The following RGMB variants were observed in gnomAD, a reference collection of about 807,000 sequenced individuals.
The protein encoded by RGMB is repulsive guidance molecule BMP co-receptor b, also known as repulsive guidance molecule B.
In RGMB, 16 loss-of-function variants were observed where a neutral mutation model predicts 26.9. The ratio of observed to expected loss-of-function variants is 0.60; its 90% CI spans 0.40 to 0.90. The LOEUF (loss-of-function observed/expected upper bound fraction) is 0.90, where lower values mean the gene tolerates loss of function less well. Among genes scored for constraint, RGMB ranks in the 40% least tolerant of loss-of-function variants. RGMB has a pLI of 0.00. For synonymous variants in RGMB, 225 were observed against 229.3 expected (o/e 0.98, Z 0.17); for missense variants, 512 against 573.3 (o/e 0.89, Z 1.09).
upstream of RGMB, chr5:98,769,398 G>C (rs1746076058): frequency 6.6e-6 from 1 of 152,366 alleles, no homozygotes; most frequent in African/African-American, 2.4e-5. Context: ...CGGAGAAATC[G>C]GGCTAGCTGG....
At chr5:98,792,982 A>T in intron 2 of RGMB, 103 bp from the exon 3 acceptor site, 2 of 881,382 alleles carry the variant, frequency 2.3e-6, no homozygotes, top group Non-Finnish European at 3.4e-6. Flanking sequence ...ATTCCGCCTT[A>T]AGCCATTCAG....
At chr5:98,791,778 T>C (rs1293858497) in intron 2 of RGMB, among the ~76,000 whole-genome samples, 1 of 152,190 alleles carries the variant, frequency 6.6e-6, no homozygotes, top group Non-Finnish European at 1.5e-5. Context: ...CCCTGTCTTA[T>C]CATAGTTGTC....
chr5:98,786,660 A>G (rs1167584493), intron 2 of RGMB, among the ~76,000 whole-genome samples: 2 of 152,144 alleles, frequency 1.3e-5, no homozygotes, highest in Admixed American at 6.5e-5. Flanking sequence ...TTGCTCTTCC[A>G]CTGTTTCGAA....
At chr5:98,792,496 G>T (rs1311780191) in intron 2 of RGMB, among the ~76,000 whole-genome samples, 2 of 152,144 alleles carry the variant, frequency 1.3e-5, no homozygotes, top group East Asian at 1.9e-4. Context: ...CACTTTGGGA[G>T]ATGATGGTGG....
upstream of RGMB, chr5:98,770,926 G>A: frequency 2.6e-6 from 1 of 384,982 alleles, no homozygotes; most frequent in Non-Finnish European, 4.6e-6. Flanking sequence ...CCTTACTCTA[G>A]AAAGGATTGC....
intron 2 of RGMB, among the ~76,000 whole-genome samples, chr5:98,786,600 A>G (rs1746772588): frequency 6.6e-6 from 1 of 152,224 alleles, no homozygotes; most frequent in African/African-American, 2.4e-5. Context: ...GAACAATGAA[A>G]ACTGCTACCT....
At chr5:98,770,411 T>C (rs1486484696), upstream of RGMB, 3 of 401,960 alleles carry the variant, frequency 7.5e-6, no homozygotes, top group Admixed American at 8.8e-5. Flanking sequence ...CTCCGCGCGC[T>C]GGCAAGCGGC....
At chr5:98,774,229 G>A in intron 1 of RGMB, 23 bp downstream of exon 1, 1 of 1,398,488 alleles carries the variant, frequency 7.2e-7, no homozygotes, top group Non-Finnish European at 9.2e-7. Context: ...CGCGCGAGGG[G>A]AGCCAGCCCC....
At chr5:98,771,952 A>G (rs767006433), upstream of RGMB, among the ~76,000 whole-genome samples, 65 of 152,088 alleles carry the variant, frequency 4.3e-4, no homozygotes, top group Non-Finnish European at 8.2e-4. Context: ...AAAAAAATGT[A>G]GTCTTTGTTA....
chr5:98,774,444 G>A (rs929362736), intron 1 of RGMB, among the ~76,000 whole-genome samples: 1 of 152,180 alleles, frequency 6.6e-6, no homozygotes, highest in African/African-American at 2.4e-5. Context: ...CCTTCGGCTC[G>A]GACCGCTGAC....
intron 2 of RGMB, 41 bp downstream of exon 2, chr5:98,780,129 C>A: frequency 1.9e-6 from 3 of 1,550,084 alleles, no homozygotes; most frequent in African/African-American, 1.4e-5. Context: ...ACTCAACTTT[C>A]AAAAGATGTT....
chr5:98,773,621 G>A (rs1746253662), upstream of RGMB: 3 of 283,328 alleles, frequency 1.1e-5, no homozygotes, highest in Admixed American at 5.3e-5. Context: ...GGGGCGGGAC[G>A]GCAGTGCGGG....
Position 98,773,822 on chromosome 5 carries a change from T to C in RGMB, c.-249T>C, listed in dbSNP as rs954476579. On this transcript the variant is annotated 5_prime_UTR_variant, in exon 1 of 3. Transcript: ENST00000513185. The stretch of plus-strand genomic sequence containing the variant: ...GTCTTTGTGTCTTCTCTTCCGCCCC[T>C]TTCCCTGCCTGCCGCCTCCGGCCGC... The C allele has an allele frequency of 2.8e-5, 13 of 463,712 alleles. No individual in the cohort carries two copies. Among genetic ancestry groups the C allele is most frequent in the African/African-American group, 4.1e-5 (2 of 48,326 alleles). 28.7% of individuals were successfully genotyped at this position (463,712 alleles called of 1,614,324 possible).
At chr5:98,790,792 T>C (rs979634561) in intron 2 of RGMB, among the ~76,000 whole-genome samples, 1 of 152,238 alleles carries the variant, frequency 6.6e-6, no homozygotes, top group African/African-American at 2.4e-5. Context: ...TTTGTTAGAC[T>C]AGAAAGACGA....
chr5:98,776,716 C>G (rs1746415077), intron 1 of RGMB, among the ~76,000 whole-genome samples: 1 of 149,928 alleles, frequency 6.7e-6, no homozygotes, highest in African/African-American at 2.4e-5. Flanking sequence ...GAAGCCTTAG[C>G]CAAAGCAAAA....
rs1746997544 is a variant in RGMB at position 98,793,344 on chromosome 5, C to T, written c.905C>T (p.Ser302Phe). 6.2e-7 allele frequency: 1 copy of T among 1,613,696 alleles called. No individual in the cohort carries two copies. The highest frequency in any genetic ancestry group is 1.3e-5 in the African/African-American group (1 of 74,922). Residue 302 changes from serine to phenylalanine, a missense_variant, in exon 3 of 3, where the codon TCC becomes TTC. Physicochemically the swap from Ser to Phe is radical, Grantham distance 155. Transcript: ENST00000513185. ...AIRMPEDLAM[S>F]YEESQDLQLC... is the part of the protein sequence containing the mutation. ...CGTATGCCTGAAGACCTGGCCATGT[C>T]CTACGAGGAGAGCCAGGACCTGCAG...
intron 2 of RGMB, among the ~76,000 whole-genome samples, chr5:98,785,514 G>T (rs1746744118): frequency 6.6e-6 from 1 of 152,120 alleles, no homozygotes; most frequent in Non-Finnish European, 1.5e-5. Flanking sequence ...ATTTGGCACA[G>T]TCTCTTTCCA....
intron 2 of RGMB, among the ~76,000 whole-genome samples, chr5:98,789,950 A>G (rs1022967304): frequency 3.3e-5 from 5 of 152,324 alleles, no homozygotes; most frequent in Non-Finnish European, 5.9e-5. Context: ...GGAAATATTA[A>G]AAGTTTGGTG....
At chr5:98,789,154 G>A (rs573269399) in intron 2 of RGMB, among the ~76,000 whole-genome samples, 38 of 152,186 alleles carry the variant, frequency 2.5e-4, no homozygotes, top group Non-Finnish European at 4.0e-4. Flanking sequence ...GCTAGTTTCT[G>A]TGCCTCTTCA....
Sources: gnomAD v4.1 joint callset for allele counts (sites outside exome capture counted in the v4.1 genomes callset) on GRCh38, gnomAD v4.1.1 for gene constraint, MANE v1.5 for transcripts, NCBI Gene and HGNC (gene_info 2026-07-23, HGNC 2026-07-21) for gene names.